CDH4: variants seen among roughly 807,000 people sequenced by gnomAD.
CDH4 encodes cadherin-4.
A neutral mutation model predicts 86.0 loss-of-function variants in CDH4; 33 were observed. The ratio of observed to expected loss-of-function variants is 0.38; its 90% confidence interval spans 0.29 to 0.51. The LOEUF (loss-of-function observed/expected upper bound fraction) is 0.51, where lower values mean the gene tolerates loss of function less well. Among genes scored for constraint, CDH4 ranks in the 20% least tolerant of loss-of-function variants. The probability of loss-of-function intolerance (pLI) is 0.86; values close to 1 mark genes in which losing one functional copy is unlikely to be tolerated. For synonymous variants in CDH4, 555 were observed against 549.4 expected, an observed-to-expected ratio of 1.01 and a Z score of -0.14; for missense variants, 1,114 against 1,307.4, an observed-to-expected ratio of 0.85 and a Z score of 2.28.
intron 7 of CDH4, among the ~76,000 whole-genome samples, chr20:61,890,158 TG>T (rs1479739044): frequency 7.2e-6 from 1 of 138,956 alleles, no homozygotes; most frequent in Non-Finnish European, 1.5e-5. Flanking sequence ...AGATGATGGA[TG>T]GGTGAATGGA....
intron 2 of CDH4, among the ~76,000 whole-genome samples, chr20:61,338,898 G>T (rs1428249367): frequency 6.6e-6 from 1 of 152,152 alleles, no homozygotes; most frequent in Non-Finnish European, 1.5e-5. Flanking sequence ...TCTTGAACAT[G>T]CCTCCAAAGA....
intron 2 of CDH4, among the ~76,000 whole-genome samples, chr20:61,487,587 T>G (rs1281181139): frequency 6.6e-6 from 1 of 152,168 alleles, no homozygotes; most frequent in East Asian, 1.9e-4. Context: ...ATTTTCTGAT[T>G]CTCTGCTATT....
At chr20:61,658,369 TAGAG>T (rs986392375) in intron 2 of CDH4, among the ~76,000 whole-genome samples, 2 of 152,070 alleles carry the variant, frequency 1.3e-5, no homozygotes, top group African/African-American at 4.8e-5. Flanking sequence ...ATCTCTCTAT[TAGAG>T]AGGGCTCCAT....
Position 61,257,513 on chromosome 20 carries a change from C to T in CDH4, c.169+2576C>T, listed in dbSNP as rs141529347. 3.0e-4 allele frequency among the ~76,000 whole-genome samples: 46 copies of T among 152,344 alleles called. 2 individuals are homozygous for T. In the East Asian group the frequency reaches 8.5e-3, roughly 28 times the overall value. Reference sequence around the variant, plus strand: ...CGCTGCTGATCGGAGCCTTCCGAGACGCCGCTCCTGTGTCCCCTGCCTGCG... The same window carrying T: ...CGCTGCTGATCGGAGCCTTCCGAGATGCCGCTCCTGTGTCCCCTGCCTGCG... On this transcript the variant is annotated intron_variant, in intron 2 of 15. Coordinates refer to ENST00000614565, the MANE Select transcript of CDH4 (RefSeq NM_001794.5).
intron 2 of CDH4, among the ~76,000 whole-genome samples, chr20:61,323,179 G>T (rs757281486): frequency 1.4e-4 from 21 of 152,200 alleles, no homozygotes; most frequent in Admixed American, 1.4e-3. Context: ...CTGAGAGTCA[G>T]CTGGCTTTCC....
chr20:61,471,822 A>T (rs566147945), intron 2 of CDH4, among the ~76,000 whole-genome samples: 1 of 152,212 alleles, frequency 6.6e-6, no homozygotes, highest in East Asian at 1.9e-4. Context: ...ATAGTTTCCA[A>T]AATTCCTCTT....
Position 61,439,903 on chromosome 20 carries a change from G to A in CDH4, c.169+184966G>A, listed in dbSNP as rs1037931616. 5.9e-5 allele frequency among the ~76,000 whole-genome samples: 9 copies of A among 152,210 alleles called. 1 individual carries two copies. The South Asian group carries it at 1.9e-3, about 32-fold the overall frequency. On this transcript the variant is annotated intron_variant, in intron 2 of 15. Transcript: ENST00000614565. ...GATATTGGGGAAAAAAGGCATTCTT[G>A]TACAGACCACTCCTAAATTGAATTC...
chr20:61,901,166 A>G (rs1985381153), intron 8 of CDH4, among the ~76,000 whole-genome samples: 1 of 137,608 alleles, frequency 7.3e-6, no homozygotes, highest in South Asian at 2.4e-4. Flanking sequence ...TAGCTAAATG[A>G]CTGGTCCTTT....
intron 6 of CDH4, among the ~76,000 whole-genome samples, chr20:61,872,737 G>T (rs543502608): frequency 6.6e-6 from 1 of 152,384 alleles, no homozygotes; most frequent in South Asian, 2.1e-4. Flanking sequence ...GTGGCGGGCA[G>T]AGTCCAGCCC....
chr20:61,671,850 G>C (rs1469104030), intron 2 of CDH4, among the ~76,000 whole-genome samples: 1 of 150,004 alleles, frequency 6.7e-6, no homozygotes, highest in Non-Finnish European at 1.5e-5. Flanking sequence ...TGGGTGGAAG[G>C]TGGATGGATG....
At chr20:61,910,746 C>G in intron 9 of CDH4, 139 bp downstream of exon 9, 1 of 764,980 alleles carries the variant, frequency 1.3e-6, no homozygotes. Context: ...GGTAACCCAA[C>G]CTGCTGGAGG....
intron 4 of CDH4, among the ~76,000 whole-genome samples, chr20:61,844,208 C>A (rs1238941059): frequency 6.6e-6 from 1 of 152,152 alleles, no homozygotes; most frequent in East Asian, 1.9e-4. Context: ...TTACTTTGGA[C>A]TTGGGACCCG....
chr20:61,540,114 G>A (rs138947790), intron 2 of CDH4, among the ~76,000 whole-genome samples: 137 of 152,306 alleles, frequency 9.0e-4, no homozygotes, highest in Non-Finnish European at 1.6e-3. Context: ...TGCATGCACC[G>A]TAGCTCTCCC....
chr20:61,533,106 C>A (rs1269038421), intron 2 of CDH4, among the ~76,000 whole-genome samples: 2 of 151,952 alleles, frequency 1.3e-5, no homozygotes, highest in African/African-American at 2.4e-5. Flanking sequence ...AGAGTGAAAG[C>A]CGAGGAGAAG....
At chr20:61,454,479 T>C (rs1011649884) in intron 2 of CDH4, among the ~76,000 whole-genome samples, 1 of 152,232 alleles carries the variant, frequency 6.6e-6, no homozygotes, top group Non-Finnish European at 1.5e-5. Context: ...GGAGTCTCAC[T>C]CTGTCCCCCA....
rs775334712 is a variant in CDH4 at position 61,521,910 on chromosome 20, C to A, written c.170-221653C>A. Among the ~76,000 whole-genome samples the A allele has an allele frequency of 2.0e-5, 3 of 152,186 alleles. No individual in the cohort carries two copies. The South Asian group carries it at 6.2e-4, about 32-fold the overall frequency. ...GGAGGTCTGCAAGCATTGCGGGCCACCTTGCTGTGACTCATGGAGTTTATC... is the reference window on the plus strand; with the variant it reads ...GGAGGTCTGCAAGCATTGCGGGCCAACTTGCTGTGACTCATGGAGTTTATC... On this transcript the variant is annotated intron_variant, in intron 2 of 15. Coordinates refer to ENST00000614565, the MANE Select transcript of CDH4 (RefSeq NM_001794.5).
At chr20:61,284,869 C>T (rs1477899438) in intron 2 of CDH4, among the ~76,000 whole-genome samples, 12 of 152,154 alleles carry the variant, frequency 7.9e-5, no homozygotes, top group African/African-American at 1.2e-4. Flanking sequence ...ACCTCTGTGA[C>T]GTAGGTGAAA....
intron 2 of CDH4, among the ~76,000 whole-genome samples, chr20:61,515,782 G>A (rs1324783446): frequency 2.0e-5 from 3 of 152,194 alleles, no homozygotes; most frequent in Non-Finnish European, 4.4e-5. Context: ...AAATAATCAC[G>A]TCTGGCTTTT....
rs1420419465 is a variant in CDH4, at chr20:61,322,305, T to G, written c.169+67368T>G. 2.6e-5 allele frequency among the ~76,000 whole-genome samples: 4 copies of G among 152,186 alleles called. No homozygotes were observed. In the East Asian group the frequency reaches 7.7e-4, roughly 29 times the overall value. On this transcript the variant is annotated intron_variant, in intron 2 of 15. Transcript: ENST00000614565. ...GGCTGCTAATTCTGCACCTGAGGCT[T>G]CGCCTGGCTCTGTGGGTGCACCAGG...
Sources: allele counts gnomAD v4.1 joint callset (sites outside exome capture counted in the v4.1 genomes callset), GRCh38; gene constraint gnomAD v4.1.1; transcripts MANE v1.5; gene names NCBI Gene and HGNC (gene_info 2026-07-23, HGNC 2026-07-21).